MYL12B: variants seen among roughly 807,000 people sequenced by gnomAD.
MYL12B encodes myosin light chain 12B.
MYL12B carries 3 observed loss-of-function variants against 12.9 expected under a neutral mutation model. The ratio of observed to expected loss-of-function variants is 0.23; its 90% CI spans 0.11 to 0.60. The LOEUF is 0.60. Among genes scored for constraint, MYL12B ranks in the 20% least tolerant of loss-of-function variants. The pLI is 0.89. For missense variants in MYL12B, 120 were observed against 215.4 expected, an observed-to-expected ratio of 0.56 and a Z score of 2.77; for synonymous variants, 57 against 71.9, an observed-to-expected ratio of 0.79 and a Z score of 1.05.
rs1368659957 is a variant in MYL12B at position 3,274,494 on chromosome 18, C to T, written c.184+1412C>T. Among the ~76,000 whole-genome samples the T allele has an allele frequency of 3.3e-5, 5 of 152,164 alleles. 1 individual carries two copies. The highest frequency in any genetic ancestry group is 3.3e-4 in the Admixed American group (5 of 15,282). Reference sequence around the variant, plus strand: ...CAGAATCACAGCAGATTCACAGAGACTCCAGTGCAGCCACGTGGTAGAAGA... The same window carrying T: ...CAGAATCACAGCAGATTCACAGAGATTCCAGTGCAGCCACGTGGTAGAAGA... On this transcript the variant is annotated intron_variant, in intron 2 of 3. Coordinates refer to ENST00000237500, the MANE Select transcript of MYL12B (RefSeq NM_033546.4).
intron 2 of MYL12B, among the ~76,000 whole-genome samples, chr18:3,273,290 C>T (rs1256778529): frequency 2.0e-5 from 3 of 152,062 alleles, no homozygotes; most frequent in Admixed American, 1.3e-4. Context: ...ATGCTGTGCC[C>T]GGGTAGGCTA....
Position 3,262,158 on chromosome 18 carries a change from T to G in MYL12B, c.-95T>G, listed in dbSNP as rs931357850. 9 of 152,204 alleles carry G rather than the reference T, an allele frequency of 5.9e-5. No homozygotes were observed. The highest frequency in any genetic ancestry group is 1.9e-4 in the African/African-American group (8 of 41,450). 9.4% of individuals were successfully genotyped at this position (152,204 alleles called of 1,614,324 possible). A position where few individuals can be genotyped will look rare whatever the true frequency, so the allele number is the denominator to read the frequency against. ...AGGCAGGAAGTGTCGGCGCCGCCAC[T>G]GTCCGGCCACAGCCTAACGCTCTTC... On this transcript the variant is annotated 5_prime_UTR_variant, in exon 1 of 4. Coordinates refer to ENST00000237500, the MANE Select transcript of MYL12B (RefSeq NM_033546.4).
At chr18:3,273,866 CTT>C (rs2081705322) in intron 2 of MYL12B, among the ~76,000 whole-genome samples, 1 of 144,454 alleles carries the variant, frequency 6.9e-6, no homozygotes, top group South Asian at 2.2e-4. Flanking sequence ...TTTTTTCTCT[CTT>C]TTAATGCCTA....
intron 1 of MYL12B, among the ~76,000 whole-genome samples, chr18:3,264,246 A>G (rs2144350909): frequency 6.6e-6 from 1 of 152,302 alleles, no homozygotes; most frequent in East Asian, 1.9e-4. Flanking sequence ...TTGTGACAGG[A>G]AAGAACTATA....
At chr18:3,270,492 GCTAA>G (rs1045915356) in intron 1 of MYL12B, among the ~76,000 whole-genome samples, 3 of 152,072 alleles carry the variant, frequency 2.0e-5, no homozygotes, top group East Asian at 1.9e-4. Flanking sequence ...TAGTTATCAG[GCTAA>G]CTAACTCCCT....
chr18:3,272,875 T>TA lies in MYL12B; in HGVS notation c.-15-9_-15-8insA, dbSNP rs753779177. 5 of 1,535,428 alleles carry TA rather than the reference T, an allele frequency of 3.3e-6. 1 individual carries two copies. In the South Asian group the frequency reaches 6.3e-5, roughly 19 times the overall value. ...TGTTTTACGTTTTTGTGTTTTTTTT[T>TA]TAATCCAGAATTAAACAACCACCAT... On this transcript the variant is annotated splice_polypyrimidine_tract_variant and intron_variant, in intron 1 of 3. Transcript: ENST00000237500.
chr18:3,272,155 A>C, intron 1 of MYL12B: 1 of 872,448 alleles, frequency 1.1e-6, no homozygotes, highest in Non-Finnish European at 1.3e-6. Flanking sequence ...GATATTTATA[A>C]AGATGAGACC....
chr18:3,275,726 CTT>C (rs1292892417), intron 2 of MYL12B, among the ~76,000 whole-genome samples: 1 of 151,888 alleles, frequency 6.6e-6, no homozygotes, highest in Non-Finnish European at 1.5e-5. Context: ...ATCCCTGTAA[CTT>C]TTTGTACCCT....
rs191164941 is a variant in MYL12B at position 3,268,004 on chromosome 18, T to G, written c.-15-4880T>G. 7.2e-5 allele frequency among the ~76,000 whole-genome samples: 11 copies of G among 152,390 alleles called. No individual in the cohort carries two copies. The East Asian group carries it at 7.7e-4, about 11-fold the overall frequency. On this transcript the variant is annotated intron_variant, in intron 1 of 3. Transcript: ENST00000237500. Reference sequence around the variant, plus strand: ...TATAGTGTATTTTTTATTTGTATTTTTATTGTTGTATTTTTCCAAATAAAT... The same window carrying G: ...TATAGTGTATTTTTTATTTGTATTTGTATTGTTGTATTTTTCCAAATAAAT...
intron 3 of MYL12B, 104 bp from the exon 4 acceptor site, chr18:3,277,661 A>G (rs2081744740): frequency 5.0e-6 from 7 of 1,387,534 alleles, no homozygotes; most frequent in Non-Finnish European, 6.7e-6. Flanking sequence ...GTTTATAGAT[A>G]TGGATATTCT....
chr18:3,278,011 A>T lies in MYL12B; in HGVS notation c.*74A>T. 1 of 1,536,508 alleles carries T rather than the reference A, an allele frequency of 6.5e-7. No individual in the cohort carries two copies. The highest frequency in any genetic ancestry group is 1.2e-5 in the South Asian group (1 of 83,338). On this transcript the variant is annotated 3_prime_UTR_variant, in exon 4 of 4. Coordinates refer to ENST00000237500, the MANE Select transcript of MYL12B (RefSeq NM_033546.4). ...CTTCTCAGACACTTCCCCCACCCTC[A>T]TAGAACCTGTTGCATGCAACTTAGT...
intron 2 of MYL12B, among the ~76,000 whole-genome samples, chr18:3,275,835 T>C (rs2081726170): frequency 6.6e-6 from 1 of 152,210 alleles, no homozygotes; most frequent in Non-Finnish European, 1.5e-5. Flanking sequence ...AGTAGATCTT[T>C]TTAGCTACTT....
rs139687711 is a variant in MYL12B, at chr18:3,268,781, A to G, written c.-15-4103A>G. ...AATATACAAGGAGAAACAACCTGTA[A>G]CAAATGGGATTTGAATCCTAGCTCT... On this transcript the variant is annotated intron_variant, in intron 1 of 3. Transcript: ENST00000237500. Among the ~76,000 whole-genome samples the G allele has an allele frequency of 3.4e-3, 520 of 152,334 alleles. 3 individuals carry two copies. Among genetic ancestry groups the G allele is most frequent in the African/African-American group, 0.012 (496 of 41,574 alleles).
chr18:3,269,908 C>G (rs1017386234), intron 1 of MYL12B, among the ~76,000 whole-genome samples: 1 of 152,204 alleles, frequency 6.6e-6, no homozygotes, highest in African/African-American at 2.4e-5. Context: ...CTGATTAGAG[C>G]GTAAGTTCTT....
At chr18:3,266,420 A>ATTGTCACAATATC (rs1298385405) in intron 1 of MYL12B, among the ~76,000 whole-genome samples, 12 of 152,174 alleles carry the variant, frequency 7.9e-5, no homozygotes, top group African/African-American at 2.4e-4. Flanking sequence ...ACAATATCTT[A>ATTGTCACAATATC]TTGTCACAAT....
chr18:3,271,437 A>C (rs1023520877), intron 1 of MYL12B, among the ~76,000 whole-genome samples: 1 of 152,166 alleles, frequency 6.6e-6, no homozygotes, highest in Non-Finnish European at 1.5e-5. Flanking sequence ...TAGACAATAC[A>C]TTTATATAAA....
intron 2 of MYL12B, 89 bp from the exon 3 acceptor site, chr18:3,277,164 A>T (rs1954839): frequency 0.97 from 1,257,125 of 1,297,152 alleles, 609,699 homozygotes; most frequent in Non-Finnish European, 0.98. Flanking sequence ...TGTACATTTT[A>T]AAAATATGTT....
At chr18:3,265,952 A>G (rs1234288346) in intron 1 of MYL12B, among the ~76,000 whole-genome samples, 1 of 152,206 alleles carries the variant, frequency 6.6e-6, no homozygotes, top group African/African-American at 2.4e-5. Context: ...GTGCTATGCA[A>G]ATTTGACTGC....
chr18:3,263,910 G>A (rs2081616284), intron 1 of MYL12B, among the ~76,000 whole-genome samples: 1 of 152,224 alleles, frequency 6.6e-6, no homozygotes, highest in Admixed American at 6.5e-5. Flanking sequence ...TTTTCTAGCT[G>A]TGTGGCAAGT....
Sources: gnomAD v4.1 joint callset for allele counts (sites outside exome capture counted in the v4.1 genomes callset) on GRCh38, gnomAD v4.1.1 for gene constraint, MANE v1.5 for transcripts, NCBI Gene and HGNC (gene_info 2026-07-23, HGNC 2026-07-21) for gene names.